FGGY: variants seen among roughly 807,000 people sequenced by gnomAD.
FGGY encodes the protein FGGY carbohydrate kinase domain-containing protein.
Under a neutral mutation model 71.3 loss-of-function variants are expected in FGGY, and 72 were observed. The observed-to-expected ratio is 1.01, with a 90% confidence interval of 0.84 to 1.23. The LOEUF is 1.23. Among genes scored for constraint, FGGY ranks in the 50% most tolerant of loss-of-function variants. The probability of loss-of-function intolerance (pLI) is 0.00; values close to 1 mark genes in which losing one functional copy is unlikely to be tolerated. For synonymous variants in FGGY, 251 were observed against 250.3 expected (o/e 1.00, Z -0.02); for missense variants, 668 against 682.3 (o/e 0.98, Z 0.23).
At chr1:59,326,232 T>C (rs1258472476) in intron 2 of FGGY, among the ~76,000 whole-genome samples, 1 of 152,216 alleles carries the variant, frequency 6.6e-6, no homozygotes, top group Non-Finnish European at 1.5e-5. Context: ...AGGAGACGTA[T>C]ACAAGAAGTC....
intron 1 of FGGY, among the ~76,000 whole-genome samples, chr1:59,302,380 T>C (rs1422335460): frequency 6.6e-6 from 1 of 152,202 alleles, no homozygotes; most frequent in Non-Finnish European, 1.5e-5. Context: ...TGCAGCACTA[T>C]TCACAATAGC....
chr1:59,649,153 C>T (rs1367360816), intron 11 of FGGY, among the ~76,000 whole-genome samples: 5 of 151,308 alleles, frequency 3.3e-5, no homozygotes, highest in East Asian at 3.9e-4. Flanking sequence ...GTTACTGTAG[C>T]CTTGTAGTAT....
chr1:59,573,986 T>C (rs2096034618), intron 8 of FGGY, among the ~76,000 whole-genome samples: 1 of 152,234 alleles, frequency 6.6e-6, no homozygotes. Context: ...CACTCTGTAC[T>C]ATATTATCTG....
intron 14 of FGGY, among the ~76,000 whole-genome samples, chr1:59,722,295 C>G (rs1029760034): frequency 2.6e-5 from 4 of 151,974 alleles, no homozygotes; most frequent in African/African-American, 9.7e-5. Flanking sequence ...TTGATGTTGG[C>G]CTTGGTCACC....
At chr1:59,312,902 G>A (rs1321321347) in intron 1 of FGGY, among the ~76,000 whole-genome samples, 2 of 152,204 alleles carry the variant, frequency 1.3e-5, no homozygotes, top group African/African-American at 4.8e-5. Context: ...TCTGCCTTTT[G>A]GAATCCAACT....
intron 14 of FGGY, among the ~76,000 whole-genome samples, chr1:59,679,972 A>G (rs1470323555): frequency 6.6e-6 from 1 of 152,226 alleles, no homozygotes; most frequent in East Asian, 1.9e-4. Flanking sequence ...TTAGAGGCAT[A>G]TAATTGTTCA....
chr1:59,692,120 G>A (rs527966288), intron 14 of FGGY, among the ~76,000 whole-genome samples: 2 of 152,254 alleles, frequency 1.3e-5, no homozygotes, highest in Admixed American at 1.3e-4. Context: ...ATGTATCTTG[G>A]GTTAAGTGCT....
chr1:59,695,785 C>T (rs1002568346), intron 14 of FGGY, among the ~76,000 whole-genome samples: 28 of 152,198 alleles, frequency 1.8e-4, no homozygotes, highest in African/African-American at 4.8e-4. Flanking sequence ...GTCAGAAATA[C>T]GGAAGAGTAA....
chr1:59,448,272 C>T (rs770963623), intron 5 of FGGY, among the ~76,000 whole-genome samples: 9 of 152,142 alleles, frequency 5.9e-5, no homozygotes, highest in Non-Finnish European at 1.0e-4. Context: ...GAGTTCAACA[C>T]GTGTAGTCAA....
chr1:59,553,222 C>A (rs758964311), intron 7 of FGGY, among the ~76,000 whole-genome samples: 3 of 152,140 alleles, frequency 2.0e-5, no homozygotes, highest in African/African-American at 7.2e-5. Flanking sequence ...CAAGTCTCTG[C>A]GTCCTGCCTG....
At chr1:59,383,216 C>G (rs2153354759) in intron 5 of FGGY, among the ~76,000 whole-genome samples, 1 of 152,232 alleles carries the variant, frequency 6.6e-6, no homozygotes, top group African/African-American at 2.4e-5. Context: ...ATCCCCAGGT[C>G]TTCTAGTTTT....
chr1:59,444,004 A>G (rs927442117), intron 5 of FGGY, among the ~76,000 whole-genome samples: 7 of 152,240 alleles, frequency 4.6e-5, no homozygotes, highest in African/African-American at 1.7e-4. Flanking sequence ...CCAAGAAGCC[A>G]GAATCATAAG....
At chr1:59,627,075 C>T (rs1478722990) in intron 10 of FGGY, among the ~76,000 whole-genome samples, 1 of 151,520 alleles carries the variant, frequency 6.6e-6, no homozygotes, top group Non-Finnish European at 1.5e-5. Context: ...TGATAGATAA[C>T]CAGGATATAT....
At chr1:59,507,891 A>G (rs1258238045) in intron 6 of FGGY, among the ~76,000 whole-genome samples, 3 of 151,940 alleles carry the variant, frequency 2.0e-5, no homozygotes, top group African/African-American at 4.8e-5. Context: ...CCTCTGGGCA[A>G]TTCCTTTTTG....
At chr1:59,498,202 C>T (rs149092155) in intron 6 of FGGY, among the ~76,000 whole-genome samples, 1 of 135,770 alleles carries the variant, frequency 7.4e-6, no homozygotes, top group Non-Finnish European at 1.6e-5. Context: ...ACTTTCACAA[C>T]CCTAAAATAT....
intron 11 of FGGY, among the ~76,000 whole-genome samples, chr1:59,639,008 A>G (rs1416580703): frequency 6.6e-6 from 1 of 152,168 alleles, no homozygotes; most frequent in Non-Finnish European, 1.5e-5. Flanking sequence ...AACATCTTAG[A>G]CACCAGGAGA....
At chr1:59,598,139 A>T (rs116589153) in intron 8 of FGGY, among the ~76,000 whole-genome samples, 71 of 152,306 alleles carry the variant, frequency 4.7e-4, no homozygotes, top group African/African-American at 1.7e-3. Context: ...ATTGTGAAAA[A>T]TGCATGATAT....
intron 14 of FGGY, among the ~76,000 whole-genome samples, chr1:59,688,348 T>G (rs540908931): frequency 5.3e-5 from 8 of 152,354 alleles, no homozygotes; most frequent in African/African-American, 1.9e-4. Context: ...TAAGTAGTGG[T>G]CTTAGCAGCT....
intron 14 of FGGY, among the ~76,000 whole-genome samples, chr1:59,710,543 A>G (rs1009975731): frequency 6.6e-6 from 1 of 152,246 alleles, no homozygotes; most frequent in Admixed American, 6.5e-5. Context: ...TTTGCAATCT[A>G]TCCATCTGAA....
Sources: gnomAD v4.1 joint callset for allele counts (sites outside exome capture counted in the v4.1 genomes callset) on GRCh38, gnomAD v4.1.1 for gene constraint, MANE v1.5 for transcripts, NCBI Gene and HGNC (gene_info 2026-07-23, HGNC 2026-07-21) for gene names.